CNRIP1: variants seen among roughly 807,000 people sequenced by gnomAD.
The protein encoded by CNRIP1 is cannabinoid receptor interacting protein 1.
In CNRIP1, 10 loss-of-function variants were observed where a neutral mutation model predicts 15.2. The observed-to-expected ratio is 0.66, with a 90% confidence interval of 0.41 to 1.12. The LOEUF is 1.12. Among genes scored for constraint, CNRIP1 ranks in the 50% most tolerant of loss-of-function variants. The probability of loss-of-function intolerance (pLI) is 0.00; values close to 1 mark genes in which losing one functional copy is unlikely to be tolerated. For missense variants in CNRIP1, 211 were observed against 214.7 expected, an observed-to-expected ratio of 0.98 and a Z score of 0.11; for synonymous variants, 91 against 83.2, an observed-to-expected ratio of 1.09 and a Z score of -0.51.
downstream of CNRIP1, among the ~76,000 whole-genome samples, chr2:68,290,461 AC>A (rs1671138831): frequency 6.6e-6 from 1 of 152,188 alleles, no homozygotes; most frequent in South Asian, 2.1e-4. Context: ...GTGGTTTAAT[AC>A]AGGATTATTT....
chr2:68,298,439 A>G (rs1671469038), intron 2 of CNRIP1, among the ~76,000 whole-genome samples: 2 of 152,148 alleles, frequency 1.3e-5, no homozygotes, highest in South Asian at 2.1e-4. Context: ...TTTTGAAATA[A>G]AAGTTGGTTA....
chr2:68,288,363 G>A (rs1237911341), downstream of CNRIP1, among the ~76,000 whole-genome samples: 9 of 152,110 alleles, frequency 5.9e-5, no homozygotes, highest in East Asian at 9.6e-4. Flanking sequence ...GGAGTAGGGC[G>A]TTCCAAGCAG....
chr2:68,311,865 G>A (rs57515813), intron 2 of CNRIP1, among the ~76,000 whole-genome samples: 8,920 of 150,778 alleles, frequency 0.059, 852 homozygotes, highest in African/African-American at 0.2. Flanking sequence ...GAAGAATGGC[G>A]GAGATTATAA....
intron 2 of CNRIP1, among the ~76,000 whole-genome samples, chr2:68,300,750 C>T (rs1030564207): frequency 6.6e-6 from 1 of 151,972 alleles, no homozygotes; most frequent in African/African-American, 2.4e-5. Context: ...AAACCCCTAA[C>T]AAAACTGAGC....
At chr2:68,317,092 G>A (rs1477674884) in intron 2 of CNRIP1, 65 bp downstream of exon 2, 1 of 1,583,654 alleles carries the variant, frequency 6.3e-7, no homozygotes, top group African/African-American at 1.3e-5. Context: ...GATAGTGATT[G>A]TTTTCTTTTC....
chr2:68,287,964 C>T (rs1448120958), intron 2 of CNRIP1, among the ~76,000 whole-genome samples: 2 of 152,178 alleles, frequency 1.3e-5, no homozygotes, highest in Admixed American at 1.3e-4. Context: ...TTTTCTTTCT[C>T]ATCCACTTTC....
chr2:68,305,244 CA>C (rs60243249), intron 2 of CNRIP1, among the ~76,000 whole-genome samples: 2,354 of 91,504 alleles, frequency 0.026, 69 homozygotes, highest in Non-Finnish European at 0.035. Context: ...AACTCCGTCT[CA>C]AAAAAAAAAA....
rs535904004 is a variant in CNRIP1 at position 68,284,662 on chromosome 2, T to C, written c.331-178A>G. Among the ~76,000 whole-genome samples, 5 of 151,726 alleles carry C rather than the reference T, an allele frequency of 3.3e-5. 1 individual carries two copies. The South Asian group carries it at 1.0e-3, about 32-fold the overall frequency. ...CCCATCTCTACTAAAAATACAAAAA[T>C]TAGCTGGCTGTGGTAGTGGTGCACC... is the stretch of plus-strand genomic sequence containing the variant. On this transcript the variant is annotated intron_variant, in intron 2 of 2. Transcript: ENST00000409559.
chr2:68,314,393 T>G (rs531703927), intron 2 of CNRIP1, among the ~76,000 whole-genome samples: 1 of 152,274 alleles, frequency 6.6e-6, no homozygotes, highest in African/African-American at 2.4e-5. Context: ...AAATAAGGTT[T>G]AGTATTTGGA....
chr2:68,295,011 TG>T (rs1474098422), intron 2 of CNRIP1, among the ~76,000 whole-genome samples: 1 of 152,156 alleles, frequency 6.6e-6, no homozygotes, highest in Admixed American at 6.5e-5. Context: ...AAGTGGCCTG[TG>T]GGGTAGCCTG....
chr2:68,307,459 C>CT (rs1406329068), intron 2 of CNRIP1, among the ~76,000 whole-genome samples: 2 of 152,170 alleles, frequency 1.3e-5, no homozygotes, highest in Non-Finnish European at 2.9e-5. Context: ...GTAGCTGAGA[C>CT]TACAGGCATA....
chr2:68,306,492 A>T (rs1456178138), intron 2 of CNRIP1, among the ~76,000 whole-genome samples: 5 of 152,120 alleles, frequency 3.3e-5, no homozygotes, highest in African/African-American at 1.2e-4. Context: ...TAAAGATTAC[A>T]AATGGCGACC....
intron 2 of CNRIP1, among the ~76,000 whole-genome samples, chr2:68,312,026 A>G (rs965773950): frequency 2.0e-5 from 3 of 152,222 alleles, no homozygotes; most frequent in Non-Finnish European, 4.4e-5. Context: ...AGTATAATCT[A>G]TGCCTTCATT....
At chr2:68,309,846 G>A (rs1672007780) in intron 2 of CNRIP1, among the ~76,000 whole-genome samples, 1 of 152,172 alleles carries the variant, frequency 6.6e-6, no homozygotes, top group African/African-American at 2.4e-5. Context: ...AGGATAGTGG[G>A]ACATGGACAC....
chr2:68,313,321 CCT>C (rs1284302053), intron 2 of CNRIP1, among the ~76,000 whole-genome samples: 2 of 152,102 alleles, frequency 1.3e-5, no homozygotes, highest in Non-Finnish European at 2.9e-5. Flanking sequence ...TAGCAATTGT[CCT>C]CTTAGGTATT....
intron 2 of CNRIP1, among the ~76,000 whole-genome samples, chr2:68,300,100 A>G (rs941853504): frequency 6.6e-6 from 1 of 152,160 alleles, no homozygotes; most frequent in Non-Finnish European, 1.5e-5. Context: ...TTTATTAGTA[A>G]ATGTTTCCCA....
At chr2:68,285,765 G>A (rs1671016806) in intron 2 of CNRIP1, among the ~76,000 whole-genome samples, 1 of 152,164 alleles carries the variant, frequency 6.6e-6, no homozygotes. Flanking sequence ...ATGTGCACGT[G>A]TGTGTACAGC....
intron 2 of CNRIP1, among the ~76,000 whole-genome samples, chr2:68,308,080 C>T (rs1272220668): frequency 6.6e-6 from 1 of 152,006 alleles, no homozygotes; most frequent in Non-Finnish European, 1.5e-5. Flanking sequence ...GTAGTCCCAG[C>T]TATTCAGGAG....
At chr2:68,302,493 G>C (rs995194035) in intron 2 of CNRIP1, among the ~76,000 whole-genome samples, 4 of 152,142 alleles carry the variant, frequency 2.6e-5, no homozygotes, top group African/African-American at 9.7e-5. Flanking sequence ...TGTGAAATGG[G>C]GTTTGAGAGG....
Sources: allele counts gnomAD v4.1 joint callset (sites outside exome capture counted in the v4.1 genomes callset), GRCh38; gene constraint gnomAD v4.1.1; transcripts MANE v1.5; gene names NCBI Gene and HGNC (gene_info 2026-07-23, HGNC 2026-07-21).